PDLIM5: variants seen among roughly 807,000 people sequenced by gnomAD.
PDLIM5 encodes PDZ and LIM domain 5.
A neutral mutation model predicts 64.2 loss-of-function variants in PDLIM5; 34 were observed. That is an observed-to-expected ratio of 0.53 (90% CI 0.40 to 0.71). The LOEUF is 0.71. Among genes scored for constraint, PDLIM5 ranks in the 30% least tolerant of loss-of-function variants. The pLI is 0.00. For synonymous variants in PDLIM5, 253 were observed against 269.1 expected, an observed-to-expected ratio of 0.94 and a Z score of 0.59; for missense variants, 683 against 733.6, an observed-to-expected ratio of 0.93 and a Z score of 0.80.
At chr4:94,644,240 T>C (rs1264628546) in intron 9 of PDLIM5, among the ~76,000 whole-genome samples, 2 of 152,222 alleles carry the variant, frequency 1.3e-5, no homozygotes, top group Non-Finnish European at 2.9e-5. Flanking sequence ...GTTGAGAAAA[T>C]TGAGGCATAG....
intron 8 of PDLIM5, among the ~76,000 whole-genome samples, chr4:94,637,044 A>C (rs1459416871): frequency 6.6e-6 from 1 of 152,108 alleles, no homozygotes; most frequent in African/African-American, 2.4e-5. Context: ...TCCTTGGCTG[A>C]GGGTCACAGA....
At chr4:94,579,959 C>G (rs1380214871) in intron 5 of PDLIM5, among the ~76,000 whole-genome samples, 2 of 152,074 alleles carry the variant, frequency 1.3e-5, no homozygotes, top group Non-Finnish European at 2.9e-5. Flanking sequence ...TATGATTTTT[C>G]TAGAGTTTTA....
chr4:94,604,049 T>G (rs966908805), intron 7 of PDLIM5, among the ~76,000 whole-genome samples: 6 of 152,162 alleles, frequency 3.9e-5, no homozygotes, highest in Admixed American at 6.5e-5. Context: ...TTAGGTGGTG[T>G]TAAAGCTACA....
intron 3 of PDLIM5, among the ~76,000 whole-genome samples, chr4:94,527,349 G>A (rs1292315341): frequency 2.0e-5 from 3 of 151,770 alleles, no homozygotes; most frequent in African/African-American, 4.8e-5. Context: ...GTCACCACGC[G>A]TGGCCCTGAA....
intron 2 of PDLIM5, among the ~76,000 whole-genome samples, chr4:94,497,731 T>C (rs984004693): frequency 2.0e-5 from 3 of 152,224 alleles, no homozygotes; most frequent in African/African-American, 7.2e-5. Context: ...TTGTGTTAAC[T>C]GTGTGTGAAC....
intron 8 of PDLIM5, among the ~76,000 whole-genome samples, chr4:94,627,556 T>G (rs1739798737): frequency 6.6e-6 from 1 of 152,222 alleles, no homozygotes; most frequent in Non-Finnish European, 1.5e-5. Flanking sequence ...TGTTCCTTGG[T>G]CACATCTGGC....
rs1223324130 is a variant in PDLIM5 at position 94,524,390 on chromosome 4, A to T, written c.248+515A>T. Reference sequence around the variant, plus strand: ...TCTCAAAAAAAAAAAAAAAAAAAAAAAAAATTGTGTATACAGCTTCAGAGA... The same window carrying T: ...TCTCAAAAAAAAAAAAAAAAAAAAATAAAATTGTGTATACAGCTTCAGAGA... On this transcript the variant is annotated intron_variant, in intron 3 of 12. Transcript: ENST00000317968. 2.7e-5 allele frequency among the ~76,000 whole-genome samples: 4 copies of T among 150,632 alleles called. No individual in the cohort carries two copies. In the South Asian group the frequency reaches 8.3e-4, roughly 31 times the overall value.
At chr4:94,631,237 C>T (rs557437103) in intron 8 of PDLIM5, among the ~76,000 whole-genome samples, 1 of 152,074 alleles carries the variant, frequency 6.6e-6, no homozygotes, top group African/African-American at 2.4e-5. Flanking sequence ...TGTAAATTCT[C>T]CTAAATGTTT....
At chr4:94,620,611 A>C (rs566435454) in intron 8 of PDLIM5, among the ~76,000 whole-genome samples, 18 of 152,246 alleles carry the variant, frequency 1.2e-4, no homozygotes, top group African/African-American at 4.3e-4. Flanking sequence ...TTTTTTAGTT[A>C]ATTAAGTAGG....
intron 7 of PDLIM5, among the ~76,000 whole-genome samples, chr4:94,596,875 T>G (rs1415944740): frequency 6.6e-6 from 1 of 152,114 alleles, no homozygotes; most frequent in Non-Finnish European, 1.5e-5. Flanking sequence ...ATCTAAAAAT[T>G]AGTCTCATGT....
chr4:94,657,482 C>G lies in PDLIM5; in HGVS notation c.1520C>G (p.Ala507Gly). 2 of 1,606,206 alleles carry G rather than the reference C, an allele frequency of 1.2e-6. No individual in the cohort carries two copies. Among genetic ancestry groups the G allele is most frequent in the Non-Finnish European group, 1.7e-6 (2 of 1,172,806 alleles). The change falls in exon 11 of 13, where the codon GCC (alanine) becomes GGC (glycine). Residue 507 changes from alanine to glycine, a missense_variant. Ala to Gly is a moderately conservative substitution (Grantham distance 60, BLOSUM62 0). Transcript: ENST00000317968. ...CATGTTTCCTGTTTTGTGTGTGTAGCCTGTGGAAAGCCCATTCGGAACAAT... is the reference window on the plus strand; with the variant it reads ...CATGTTTCCTGTTTTGTGTGTGTAGGCTGTGGAAAGCCCATTCGGAACAAT... ...TWHVSCFVCV[A>G]CGKPIRNNVF... is the part of the protein sequence containing the mutation.
intron 7 of PDLIM5, among the ~76,000 whole-genome samples, chr4:94,592,946 C>T (rs909638147): frequency 1.3e-5 from 2 of 152,106 alleles, no homozygotes; most frequent in Admixed American, 6.6e-5. Flanking sequence ...ATCATACATT[C>T]TCACCTACAG....
chr4:94,638,400 T>C (rs1159097385), intron 8 of PDLIM5, among the ~76,000 whole-genome samples: 1 of 152,238 alleles, frequency 6.6e-6, no homozygotes, highest in African/African-American at 2.4e-5. Context: ...CTCCCTGGCC[T>C]GAAAGTGGCG....
At chr4:94,644,048 C>A (rs1741208255) in intron 9 of PDLIM5, among the ~76,000 whole-genome samples, 1 of 152,176 alleles carries the variant, frequency 6.6e-6, no homozygotes, top group Non-Finnish European at 1.5e-5. Flanking sequence ...ACCAAGATTT[C>A]ACTATTTACT....
Position 94,523,851 on chromosome 4 carries a change from G to C in PDLIM5, c.224G>C (p.Gly75Ala), listed in dbSNP as rs1326061052. 1 of 1,612,974 alleles carries C rather than the reference G, an allele frequency of 6.2e-7. No individual in the cohort carries two copies. Among genetic ancestry groups the C allele is most frequent in the Non-Finnish European group, 8.5e-7 (1 of 1,179,306 alleles). Residue 75 changes from glycine (G) to alanine (A), a missense_variant, in exon 3 of 13, where the codon GGC becomes GCC. Coordinates refer to ENST00000317968, the MANE Select transcript of PDLIM5 (RefSeq NM_006457.5). ...CAGAATAAGATTAAGGGTTGTACAG[G>C]CTCTTTGAATATGACTCTGCAAAGG... ...EAQNKIKGCT[G>A]SLNMTLQRAS...
chr4:94,608,111 A>G, intron 7 of PDLIM5: 2 of 1,532,020 alleles, frequency 1.3e-6, no homozygotes, highest in South Asian at 1.2e-5. Context: ...CCCTCCTGCA[A>G]CTCCTCAGGT....
intron 2 of PDLIM5, among the ~76,000 whole-genome samples, chr4:94,512,300 T>C (rs929714199): frequency 6.6e-6 from 1 of 152,180 alleles, no homozygotes; most frequent in Admixed American, 6.5e-5. Flanking sequence ...ATTACAGGCA[T>C]GAGCCACTGT....
chr4:94,607,948 T>C (rs958199436), intron 7 of PDLIM5: 17 of 630,348 alleles, frequency 2.7e-5, no homozygotes, highest in Non-Finnish European at 3.9e-5. Context: ...ACCAATAGTG[T>C]TCCCAAAATT....
intron 3 of PDLIM5, among the ~76,000 whole-genome samples, chr4:94,539,199 C>A (rs1003221910): frequency 6.6e-6 from 1 of 151,954 alleles, no homozygotes; most frequent in South Asian, 2.1e-4. Context: ...CTTAGTAATA[C>A]GTGAATAAGT....
Sources: gnomAD v4.1 joint callset for allele counts (sites outside exome capture counted in the v4.1 genomes callset) on GRCh38, gnomAD v4.1.1 for gene constraint, MANE v1.5 for transcripts, NCBI Gene and HGNC (gene_info 2026-07-23, HGNC 2026-07-21) for gene names.